The following DSCAM variants were observed in gnomAD, a reference collection of about 807,000 sequenced individuals.
DSCAM encodes cell adhesion molecule DSCAM.
A neutral mutation model predicts 217.7 loss-of-function variants in DSCAM; 47 were observed. That is an observed-to-expected ratio of 0.22 (90% CI 0.17 to 0.28). The LOEUF (loss-of-function observed/expected upper bound fraction) is 0.28. Ranked by LOEUF, DSCAM falls within the 10% of genes least tolerant of loss-of-function variation. DSCAM has a pLI of 1.00. For synonymous variants in DSCAM, 1,056 were observed against 1,015.3 expected, an observed-to-expected ratio of 1.04 and a Z score of -0.76; for missense variants, 2,080 against 2,618.3, an observed-to-expected ratio of 0.79 and a Z score of 4.49.
chr21:40,433,292 T>C (rs1299492959), intron 3 of DSCAM, among the ~76,000 whole-genome samples: 1 of 143,014 alleles, frequency 7.0e-6, no homozygotes, highest in Non-Finnish European at 1.5e-5. Context: ...GAGACTGCAG[T>C]GAGCTGAGAT....
At chr21:40,624,329 A>G (rs1260286245) in intron 3 of DSCAM, among the ~76,000 whole-genome samples, 2 of 150,896 alleles carry the variant, frequency 1.3e-5, no homozygotes, top group African/African-American at 5.0e-5. Context: ...GCTCAGAGAC[A>G]GAAAGATCTT....
Position 40,733,282 on chromosome 21 carries a change from G to A in DSCAM, c.44-24511C>T, listed in dbSNP as rs117497384. 2.7e-4 allele frequency among the ~76,000 whole-genome samples: 41 copies of A among 152,346 alleles called. 1 individual carries two copies. The East Asian group carries it at 6.6e-3, about 24-fold the overall frequency. On this transcript the variant is annotated intron_variant, in intron 1 of 32. Transcript: ENST00000400454. The stretch of plus-strand genomic sequence containing the variant: ...AGGAGCCTGCTGGATACTGACTGAT[G>A]GGACTGAGGAGGTTGCTGCCTGCAG...
chr21:40,088,299 C>A (rs1036050152), intron 21 of DSCAM, among the ~76,000 whole-genome samples: 1 of 152,076 alleles, frequency 6.6e-6, no homozygotes. Flanking sequence ...AAATGTGAGA[C>A]CCCTGCACCA....
At chr21:40,052,308 A>G (rs1568914677) in intron 29 of DSCAM, among the ~76,000 whole-genome samples, 1 of 152,236 alleles carries the variant, frequency 6.6e-6, no homozygotes, top group Non-Finnish European at 1.5e-5. Context: ...GCTTCTTCCT[A>G]GGGGTTGGCT....
chr21:40,746,910 A>G (rs2091180295), intron 1 of DSCAM, among the ~76,000 whole-genome samples: 1 of 151,968 alleles, frequency 6.6e-6, no homozygotes, highest in Non-Finnish European at 1.5e-5. Context: ...ATAACAGAAG[A>G]AATGTTCAAA....
chr21:40,456,825 T>C (rs192430577), intron 3 of DSCAM, among the ~76,000 whole-genome samples: 1 of 152,314 alleles, frequency 6.6e-6, no homozygotes, highest in Admixed American at 6.5e-5. Flanking sequence ...ATTATTTTCA[T>C]ATTTCTATAT....
chr21:40,322,262 C>A (rs2074267784), intron 8 of DSCAM, among the ~76,000 whole-genome samples: 3 of 152,098 alleles, frequency 2.0e-5, no homozygotes, highest in Admixed American at 2.0e-4. Context: ...CTCCCACAGA[C>A]CCCAACACCT....
At chr21:40,751,708 C>T (rs181531502) in intron 1 of DSCAM, among the ~76,000 whole-genome samples, 3 of 151,986 alleles carry the variant, frequency 2.0e-5, no homozygotes, top group Admixed American at 2.0e-4. Context: ...GGGGTGGGGA[C>T]GTGATTGGAG....
intron 19 of DSCAM, among the ~76,000 whole-genome samples, chr21:40,126,193 A>G (rs1052960376): frequency 6.6e-6 from 1 of 152,064 alleles, no homozygotes; most frequent in Admixed American, 6.6e-5. Flanking sequence ...AGAAATTAAA[A>G]AGAGAAAGAA....
intron 3 of DSCAM, among the ~76,000 whole-genome samples, chr21:40,614,374 CCTT>C (rs2089359098): frequency 6.6e-6 from 1 of 152,152 alleles, no homozygotes; most frequent in Non-Finnish European, 1.5e-5. Flanking sequence ...TCTGGCTACT[CCTT>C]AACAATCAAG....
chr21:40,439,076 C>T (rs55658617), intron 3 of DSCAM, among the ~76,000 whole-genome samples: 7,803 of 152,190 alleles, frequency 0.051, 277 homozygotes, highest in Non-Finnish European at 0.079. Flanking sequence ...CACCCATTAG[C>T]TGTGCATATT....
chr21:40,169,669 A>G (rs967969513), intron 15 of DSCAM, among the ~76,000 whole-genome samples: 1 of 152,194 alleles, frequency 6.6e-6, no homozygotes, highest in Non-Finnish European at 1.5e-5. Flanking sequence ...GTTTGAAAGG[A>G]AATGGGGACA....
chr21:40,677,158 G>A (rs917134700), intron 3 of DSCAM, among the ~76,000 whole-genome samples: 1 of 151,828 alleles, frequency 6.6e-6, no homozygotes, highest in Non-Finnish European at 1.5e-5. Flanking sequence ...ACTTTTCCTG[G>A]TACAAGAACA....
chr21:40,600,394 G>A (rs952744691), intron 3 of DSCAM, among the ~76,000 whole-genome samples: 23 of 152,078 alleles, frequency 1.5e-4, no homozygotes, highest in African/African-American at 5.3e-4. Context: ...GCAGCTCTCT[G>A]GGGTCTTTAT....
chr21:40,043,312 A>C (rs1315109249), intron 31 of DSCAM, among the ~76,000 whole-genome samples: 1 of 152,188 alleles, frequency 6.6e-6, no homozygotes, highest in Non-Finnish European at 1.5e-5. Flanking sequence ...CAAATGCACT[A>C]AAAAGTTTTA....
chr21:40,453,446 T>C (rs1255807504), intron 3 of DSCAM, among the ~76,000 whole-genome samples: 2 of 152,212 alleles, frequency 1.3e-5, no homozygotes, highest in African/African-American at 4.8e-5. Context: ...ATGTCCTCAA[T>C]GCACAAAACG....
chr21:40,338,108 G>T lies in DSCAM; in HGVS notation c.1776C>A (p.Thr592=). ...QLSTSQSVHV[T]VKVPPFIQPF... ...CAGGAGAACAGGGCTTACCTTTCAC[G>T]GTCACGTGGACGCTCTGGCTGGTGG... Residue 592 remains threonine (T), a synonymous_variant, in exon 8 of 33, where the codon ACC becomes ACA. Transcript: ENST00000400454. 1.2e-6 allele frequency: 2 copies of T among 1,613,808 alleles called. No individual in the cohort carries two copies. The highest frequency in any genetic ancestry group is 2.2e-5 in the South Asian group (2 of 91,058).
chr21:40,827,653 GA>G (rs1362540469), intron 1 of DSCAM, among the ~76,000 whole-genome samples: 3 of 152,100 alleles, frequency 2.0e-5, no homozygotes, highest in Non-Finnish European at 4.4e-5. Flanking sequence ...AGCGCTAATC[GA>G]AGTGTGTACA....
intron 9 of DSCAM, among the ~76,000 whole-genome samples, chr21:40,297,058 C>T (rs540755941): frequency 8.6e-5 from 13 of 152,046 alleles, no homozygotes; most frequent in South Asian, 6.2e-4. Context: ...ACACATAGTC[C>T]GTTATGCCAG....
Sources: allele counts gnomAD v4.1 joint callset (sites outside exome capture counted in the v4.1 genomes callset), GRCh38; gene constraint gnomAD v4.1.1; transcripts MANE v1.5; gene names NCBI Gene and HGNC (gene_info 2026-07-23, HGNC 2026-07-21).